Variants in TMEM117 observed in about 807,000 individuals in gnomAD.
TMEM117 encodes the protein transmembrane protein 117.
In TMEM117, 27 loss-of-function variants were observed where a neutral mutation model predicts 52.4. The observed-to-expected ratio is 0.51, with a 90% CI of 0.38 to 0.71. TMEM117 has a LOEUF of 0.71. Among genes scored for constraint, TMEM117 ranks in the 30% least tolerant of loss-of-function variants. TMEM117 has a pLI of 0.00. For missense variants in TMEM117, 556 were observed against 630.5 expected (o/e 0.88, Z 1.26); for synonymous variants, 215 against 206.3 (o/e 1.04, Z -0.36).
chr12:43,935,290 C>T (rs939021900), intron 2 of TMEM117, among the ~76,000 whole-genome samples: 2 of 152,190 alleles, frequency 1.3e-5, no homozygotes, highest in Non-Finnish European at 2.9e-5. Context: ...TAAATTTACA[C>T]AAGCTTGTGA....
At chr12:44,133,090 G>A (rs572139350) in intron 3 of TMEM117, among the ~76,000 whole-genome samples, 41 of 152,186 alleles carry the variant, frequency 2.7e-4, no homozygotes, top group Non-Finnish European at 3.4e-4. Context: ...TGGTAGCACA[G>A]GCATGGTACA....
intron 3 of TMEM117, among the ~76,000 whole-genome samples, chr12:44,118,881 C>T (rs1021729134): frequency 1.3e-5 from 2 of 152,130 alleles, no homozygotes; most frequent in African/African-American, 2.4e-5. Flanking sequence ...AAACACATTT[C>T]TTGCATTTTA....
At chr12:44,162,825 G>A (rs1948915492) in intron 4 of TMEM117, among the ~76,000 whole-genome samples, 2 of 152,244 alleles carry the variant, frequency 1.3e-5, no homozygotes, top group Admixed American at 1.3e-4. Context: ...ATTGCATGAT[G>A]ACCTTTCTCA....
At chr12:44,286,727 AT>A (rs1189890948) in intron 5 of TMEM117, among the ~76,000 whole-genome samples, 1 of 152,186 alleles carries the variant, frequency 6.6e-6, no homozygotes, top group Non-Finnish European at 1.5e-5. Flanking sequence ...GATTATCTGG[AT>A]TTATTTACAT....
At chr12:43,982,934 C>A (rs1002298606) in intron 3 of TMEM117, among the ~76,000 whole-genome samples, 1 of 152,118 alleles carries the variant, frequency 6.6e-6, no homozygotes, top group Non-Finnish European at 1.5e-5. Context: ...TATTCTAAAG[C>A]AGATTAACAG....
At chr12:44,031,029 G>A (rs956591498) in intron 3 of TMEM117, among the ~76,000 whole-genome samples, 11 of 152,210 alleles carry the variant, frequency 7.2e-5, no homozygotes, top group African/African-American at 1.9e-4. Context: ...AGGGTCAAAC[G>A]AATTAAGATT....
chr12:43,813,243 T>G, the TMEM117 span, among the ~76,000 whole-genome samples: 58 of 132,624 alleles, frequency 4.4e-4, no homozygotes, highest in African/African-American at 1.5e-3. Flanking sequence ...TTTTTTTTTT[T>G]TTTTTTTTTT....
At chr12:44,146,004 CTCTCTTTATTGGT>C (rs1200392715) in intron 4 of TMEM117, among the ~76,000 whole-genome samples, 1 of 152,138 alleles carries the variant, frequency 6.6e-6, no homozygotes, top group Non-Finnish European at 1.5e-5. Flanking sequence ...ACAGCTCTGC[CTCTCTTTATTGGT>C]TCATTATTAT....
At chr12:44,131,168 G>T (rs572301603) in intron 3 of TMEM117, among the ~76,000 whole-genome samples, 1 of 152,028 alleles carries the variant, frequency 6.6e-6, no homozygotes, top group East Asian at 1.9e-4. Context: ...GTTTAAGCAT[G>T]GTGTTAGCTC....
intron 2 of TMEM117, among the ~76,000 whole-genome samples, chr12:43,937,674 T>C (rs1944974914): frequency 6.6e-6 from 1 of 152,158 alleles, no homozygotes; most frequent in South Asian, 2.1e-4. Context: ...TAATAGGACC[T>C]AGATGTAGAA....
chr12:44,273,030 AC>A (rs1349000653), intron 5 of TMEM117, among the ~76,000 whole-genome samples: 1 of 152,224 alleles, frequency 6.6e-6, no homozygotes, highest in Non-Finnish European at 1.5e-5. Context: ...ACCATGGAAT[AC>A]TATGCAGCCA....
At chr12:43,850,877 G>T (rs1255867938) in intron 2 of TMEM117, among the ~76,000 whole-genome samples, 1 of 152,140 alleles carries the variant, frequency 6.6e-6, no homozygotes, top group Non-Finnish European at 1.5e-5. Context: ...TGATGGTGAT[G>T]ATGATGATGA....
intron 3 of TMEM117, among the ~76,000 whole-genome samples, chr12:44,131,362 A>T (rs1948410744): frequency 6.6e-6 from 1 of 152,102 alleles, no homozygotes; most frequent in Non-Finnish European, 1.5e-5. Flanking sequence ...CCTATGTATA[A>T]TTTAGTCATT....
At chr12:44,027,116 CTTA>C (rs1565797776) in intron 3 of TMEM117, among the ~76,000 whole-genome samples, 11 of 108,164 alleles carry the variant, frequency 1.0e-4, no homozygotes, top group African/African-American at 5.0e-4. Context: ...TTTATTTTAT[CTTA>C]TTATTTTATT....
At chr12:44,206,203 A>G (rs1035886286) in intron 4 of TMEM117, among the ~76,000 whole-genome samples, 8 of 152,222 alleles carry the variant, frequency 5.3e-5, no homozygotes, top group Non-Finnish European at 1.0e-4. Context: ...ACAAAGGGAC[A>G]GGCTCTGCCT....
rs114450125 is a variant in TMEM117, at chr12:43,921,386, G to C, written c.278-22824G>C. Among the ~76,000 whole-genome samples, 863 of 152,272 alleles carry C rather than the reference G, an allele frequency of 5.7e-3. 10 individuals carry two copies. Among genetic ancestry groups the C allele is most frequent in the African/African-American group, 0.02 (834 of 41,554 alleles). ...TTTTTTAGTTAGTATCTGGTAGAGA[G>C]AGAATAAGATTTGGAGTCTGATAGA... On this transcript the variant is annotated intron_variant, in intron 2 of 7. Coordinates refer to ENST00000266534, the MANE Select transcript of TMEM117 (RefSeq NM_032256.3).
At chr12:44,364,776 G>T (rs1023859156) in intron 6 of TMEM117, among the ~76,000 whole-genome samples, 3 of 152,006 alleles carry the variant, frequency 2.0e-5, no homozygotes, top group African/African-American at 7.2e-5. Flanking sequence ...TTGTGTTTTT[G>T]CACTGCCTTA....
chr12:43,875,432 A>G (rs1269198461), intron 2 of TMEM117, among the ~76,000 whole-genome samples: 1 of 152,062 alleles, frequency 6.6e-6, no homozygotes, highest in East Asian at 1.9e-4. Flanking sequence ...TTTTTTTGAG[A>G]TACCTGGAAA....
chr12:44,142,668 G>A (rs144929845), intron 3 of TMEM117, among the ~76,000 whole-genome samples: 1 of 151,992 alleles, frequency 6.6e-6, no homozygotes, highest in East Asian at 1.9e-4. Context: ...TAAGATAAAA[G>A]TAGTTAAGTG....
Sources: allele counts gnomAD v4.1 joint callset (sites outside exome capture counted in the v4.1 genomes callset), GRCh38; gene constraint gnomAD v4.1.1; transcripts MANE v1.5; gene names NCBI Gene and HGNC (gene_info 2026-07-23, HGNC 2026-07-21).